PPFIA1: variants seen among roughly 807,000 people sequenced by gnomAD.
PPFIA1 encodes liprin-alpha-1.
In PPFIA1, 25 loss-of-function variants were observed where a neutral mutation model predicts 149.9. That is an observed-to-expected ratio of 0.17 (90% CI 0.12 to 0.23). PPFIA1 has a LOEUF of 0.23. Ranked by LOEUF, PPFIA1 falls within the 10% of genes least tolerant of loss-of-function variation. The pLI is 1.00. For missense variants in PPFIA1, 1,362 were observed against 1,506.5 expected (o/e 0.90, Z 1.59); for synonymous variants, 549 against 552.8 (o/e 0.99, Z 0.10).
rs568766221 is a variant in PPFIA1, at chr11:70,271,975, A to G, written c.1-198A>G. On this transcript the variant is annotated intron_variant, in intron 1 of 27. Transcript: ENST00000253925. ...CCTTCCCTGGATTTTTGTCTGTGTT[A>G]ATGTCTTCATGTTGTGTATTTTTGC... 4.6e-4 allele frequency: 303 copies of G among 652,240 alleles called. 1 individual carries two copies. Among genetic ancestry groups the G allele is most frequent in the African/African-American group, 4.2e-3 (234 of 55,510 alleles). The allele number at this position is 652,240 out of a possible 1,614,324, so 40.4% of individuals were successfully genotyped here.
chr11:70,276,797 T>C (rs1189072661), intron 2 of PPFIA1, among the ~76,000 whole-genome samples: 3 of 152,074 alleles, frequency 2.0e-5, no homozygotes, highest in Non-Finnish European at 4.4e-5. Context: ...TTCCAATTTG[T>C]AAGTTTAAAG....
chr11:70,290,601 G>A (rs894747271), intron 2 of PPFIA1, among the ~76,000 whole-genome samples: 1 of 152,196 alleles, frequency 6.6e-6, no homozygotes, highest in Non-Finnish European at 1.5e-5. Flanking sequence ...CTTGGCAGGG[G>A]AGGTCCAACC....
intron 11 of PPFIA1, among the ~76,000 whole-genome samples, chr11:70,336,375 G>A (rs60587577): frequency 0.023 from 3,452 of 152,124 alleles, 126 homozygotes; most frequent in African/African-American, 0.076. Flanking sequence ...GGGGGCACCC[G>A]CCTGTAGTCC....
chr11:70,333,342 T>C, intron 9 of PPFIA1, 128 bp from the exon 10 acceptor site: 3 of 734,834 alleles, frequency 4.1e-6, no homozygotes, highest in Non-Finnish European at 4.9e-6. Context: ...GATGAGTACA[T>C]GCTTTCCATT....
At chr11:70,342,936 C>G (rs559749763) in intron 14 of PPFIA1, among the ~76,000 whole-genome samples, 82 of 78,176 alleles carry the variant, frequency 1.0e-3, no homozygotes, top group African/African-American at 4.7e-3. Context: ...AATGTACCAC[C>G]TTTTTTTTTT....
chr11:70,282,833 C>CT (rs59308854), intron 2 of PPFIA1, among the ~76,000 whole-genome samples: 11,924 of 71,720 alleles, frequency 0.17, 1,103 homozygotes, highest in Non-Finnish European at 0.19. Context: ...CCGTGCCTGG[C>CT]TTTTTTTTTT....
At chr11:70,340,458 G>C (rs1374047919) in intron 14 of PPFIA1, among the ~76,000 whole-genome samples, 1 of 152,186 alleles carries the variant, frequency 6.6e-6, no homozygotes, top group Non-Finnish European at 1.5e-5. Context: ...AATAAAAGAA[G>C]TAATTGAATA....
At chr11:70,370,521 G>T (rs958548271) in intron 21 of PPFIA1, among the ~76,000 whole-genome samples, 1 of 151,892 alleles carries the variant, frequency 6.6e-6, no homozygotes, top group East Asian at 1.9e-4. Flanking sequence ...TGAGTAGCTG[G>T]AACTGCAGGC....
intron 2 of PPFIA1, chr11:70,282,494 T>C (rs912569303): frequency 6.6e-6 from 1 of 152,252 alleles, no homozygotes; most frequent in Non-Finnish European, 1.4e-5. Context: ...CTTGATCCCA[T>C]GTATGTTTCC....
In PPFIA1 at chr11:70,279,722, GGTGTGTGTGTGT is replaced by G. The variant is rs71046599; in HGVS notation, c.264+7315_264+7326del. On this transcript the variant is annotated intron_variant, in intron 2 of 27. Coordinates refer to ENST00000253925, the MANE Select transcript of PPFIA1 (RefSeq NM_003626.5). ...TAGACCTTTTCTGTGTATGTGTCTA[GGTGTGTGTGTGT>G]GTGTGTGTGTGTGTGTGTGTGTGTG... Among the ~76,000 whole-genome samples, 68 of 135,364 alleles carry G rather than the reference GGTGTGTGTGTGT, an allele frequency of 5.0e-4. No homozygotes were observed. In the East Asian group the frequency reaches 5.2e-3, roughly 10 times the overall value. The allele number at this position is 135,364 out of a possible 152,430, so 88.8% of individuals were successfully genotyped here.
At chr11:70,351,289 T>A (rs2056040123) in intron 16 of PPFIA1, among the ~76,000 whole-genome samples, 2 of 152,226 alleles carry the variant, frequency 1.3e-5, no homozygotes, top group Non-Finnish European at 2.9e-5. Flanking sequence ...ACATGCTTAT[T>A]CATAGATGTA....
intron 15 of PPFIA1, among the ~76,000 whole-genome samples, chr11:70,346,814 T>G (rs1317404726): frequency 6.6e-6 from 1 of 152,244 alleles, no homozygotes; most frequent in African/African-American, 2.4e-5. Flanking sequence ...AAAAGCACTT[T>G]TCTTAGAAAT....
At position 70,382,995 on chromosome 11, in the gene PPFIA1, T is replaced by C. The variant is rs1176506325; in HGVS notation, c.*13-8T>C. 2.5e-6 allele frequency: 1 copy of C among 399,820 alleles called. No homozygotes were observed. Among genetic ancestry groups the C allele is most frequent in the Non-Finnish European group, 4.8e-6 (1 of 209,390 alleles). The allele number at this position is 399,820 out of a possible 1,614,324, so 24.8% of individuals were successfully genotyped here. A position where few individuals can be genotyped will look rare whatever the true frequency, so the allele number is the denominator to read the frequency against. On this transcript the variant is annotated splice_polypyrimidine_tract_variant and splice_region_variant and intron_variant, in intron 27 of 27. Coordinates refer to ENST00000253925, the MANE Select transcript of PPFIA1 (RefSeq NM_003626.5). ...CTGAGTGGTTTTTTGTTTGTGTTTA[T>C]TTTCCAGTTTACCCACACTACTTCT... is the stretch of plus-strand genomic sequence containing the variant.
chr11:70,290,454 G>A (rs2051451023), intron 2 of PPFIA1, among the ~76,000 whole-genome samples: 1 of 152,208 alleles, frequency 6.6e-6, no homozygotes, highest in Non-Finnish European at 1.5e-5. Context: ...CAGAAATGAA[G>A]CATAGCTAAG....
intron 21 of PPFIA1, 106 bp downstream of exon 21, chr11:70,362,594 AG>A: frequency 8.4e-7 from 1 of 1,193,314 alleles, no homozygotes; most frequent in Non-Finnish European, 1.1e-6. Context: ...CAGCATATGA[AG>A]TATAGTTCTA....
At chr11:70,308,319 A>C (rs2053009983) in intron 2 of PPFIA1, among the ~76,000 whole-genome samples, 1 of 152,202 alleles carries the variant, frequency 6.6e-6, no homozygotes, top group Non-Finnish European at 1.5e-5. Context: ...AAGTGCTGGG[A>C]TTACAGGTGT....
At position 70,339,222 on chromosome 11, in the gene PPFIA1, C is replaced by T. The variant is rs768414277; in HGVS notation, c.1623C>T (p.Gly541=). Residue 541 remains glycine, a synonymous_variant, in exon 14 of 28, where the codon GGC becomes GGT. Coordinates refer to ENST00000253925, the MANE Select transcript of PPFIA1 (RefSeq NM_003626.5). The part of the protein sequence containing the change: ...VPDFRFPMAD[G]HTDSYSTSAV... ...ATTTCAGGTTCCCCATGGCAGACGG[C>T]CACACAGACTCCTACAGCACCAGTG... 1 of 1,614,154 alleles carries T rather than the reference C, an allele frequency of 6.2e-7. No homozygotes were observed. The highest frequency in any genetic ancestry group is 1.3e-5 in the African/African-American group (1 of 75,066).
intron 8 of PPFIA1, among the ~76,000 whole-genome samples, chr11:70,331,036 A>G (rs899094872): frequency 7.2e-5 from 11 of 152,098 alleles, no homozygotes; most frequent in African/African-American, 2.7e-4. Context: ...ATTTGAGACC[A>G]GCCTGACCAA....
At chr11:70,302,804 C>A (rs186524940) in intron 2 of PPFIA1, among the ~76,000 whole-genome samples, 350 of 149,126 alleles carry the variant, frequency 2.3e-3, no homozygotes, top group African/African-American at 8.1e-3. Flanking sequence ...ACATGTGATC[C>A]CAGTATGTTG....
Sources: gnomAD v4.1 joint callset for allele counts (sites outside exome capture counted in the v4.1 genomes callset) on GRCh38, gnomAD v4.1.1 for gene constraint, MANE v1.5 for transcripts, NCBI Gene and HGNC (gene_info 2026-07-23, HGNC 2026-07-21) for gene names.